The following RANBP17 variants were observed in gnomAD, a reference collection of about 807,000 sequenced individuals.
RANBP17 encodes the protein RAN binding protein 17.
Under a neutral mutation model 141.2 loss-of-function variants are expected in RANBP17, and 158 were observed. The ratio of observed to expected loss-of-function variants is 1.12; its 90% CI spans 0.98 to 1.28. The LOEUF (loss-of-function observed/expected upper bound fraction) is 1.28. Ranked by LOEUF, RANBP17 falls within the 50% of genes most tolerant of loss-of-function variation. RANBP17 has a pLI of 0.00. For missense variants in RANBP17, 1,438 were observed against 1,290.7 expected, an observed-to-expected ratio of 1.11 and a Z score of -1.75; for synonymous variants, 430 against 450.0, an observed-to-expected ratio of 0.96 and a Z score of 0.56.
intron 14 of RANBP17, among the ~76,000 whole-genome samples, chr5:171,042,539 T>G (rs1782318093): frequency 6.6e-6 from 1 of 152,132 alleles, no homozygotes; most frequent in African/African-American, 2.4e-5. Context: ...TGCTGGTGTG[T>G]TGTTTGCATC....
At chr5:171,154,911 A>G (rs1024519167) in intron 14 of RANBP17, among the ~76,000 whole-genome samples, 1 of 151,520 alleles carries the variant, frequency 6.6e-6, no homozygotes, top group South Asian at 2.1e-4. Flanking sequence ...CCCTGTCTCT[A>G]CTAAAAATAC....
At chr5:170,994,449 T>G (rs908268371) in intron 14 of RANBP17, among the ~76,000 whole-genome samples, 41 of 152,066 alleles carry the variant, frequency 2.7e-4, no homozygotes, top group African/African-American at 9.6e-4. Context: ...GAGGTAAGAT[T>G]ATCATTGCTG....
At chr5:171,202,181 T>C (rs908588379) in intron 19 of RANBP17, among the ~76,000 whole-genome samples, 1 of 152,206 alleles carries the variant, frequency 6.6e-6, no homozygotes, top group Non-Finnish European at 1.5e-5. Flanking sequence ...TTATTCTTAA[T>C]AAAATTGAAG....
At chr5:171,043,850 C>CT (rs1782404310) in intron 14 of RANBP17, among the ~76,000 whole-genome samples, 1 of 152,216 alleles carries the variant, frequency 6.6e-6, no homozygotes, top group African/African-American at 2.4e-5. Context: ...GTTTGGAACT[C>CT]TAAGAGATTT....
chr5:170,913,044 G>A (rs1316319603), intron 7 of RANBP17, among the ~76,000 whole-genome samples: 1 of 152,010 alleles, frequency 6.6e-6, no homozygotes, highest in Non-Finnish European at 1.5e-5. Flanking sequence ...CTGAAAGCTA[G>A]AAAACAATAG....
At chr5:171,131,139 A>G (rs1389369947) in intron 14 of RANBP17, among the ~76,000 whole-genome samples, 2 of 152,236 alleles carry the variant, frequency 1.3e-5, no homozygotes, top group African/African-American at 4.8e-5. Context: ...ACAAATTTAC[A>G]ATAGTAATAT....
chr5:171,025,814 C>G (rs1392006346), intron 14 of RANBP17, among the ~76,000 whole-genome samples: 2 of 152,060 alleles, frequency 1.3e-5, no homozygotes, highest in Non-Finnish European at 2.9e-5. Flanking sequence ...TCTTGAACTC[C>G]TAGCCTCAAG....
At position 171,020,815 on chromosome 5, in the gene RANBP17, A is replaced by ATAATCCT. The variant is rs558951333; in HGVS notation, c.1710+52439_1710+52445dup. Reference sequence around the variant, plus strand: ...TATGTGTGAATTTGATCCTGTCATAATAATCCTAGCTGGTTATTTTGCACA... The same window carrying ATAATCCT: ...TATGTGTGAATTTGATCCTGTCATAATAATCCTTAATCCTAGCTGGTTATTTTGCACA... On this transcript the variant is annotated intron_variant, in intron 14 of 27. Transcript: ENST00000523189. Among the ~76,000 whole-genome samples the ATAATCCT allele has an allele frequency of 1.3e-3, 200 of 152,268 alleles. 1 individual carries two copies. Among genetic ancestry groups the ATAATCCT allele is most frequent in the South Asian group, 1.9e-3 (9 of 4,810 alleles).
chr5:171,235,967 A>G (rs955794444), intron 22 of RANBP17, among the ~76,000 whole-genome samples: 4 of 152,130 alleles, frequency 2.6e-5, no homozygotes, highest in East Asian at 1.9e-4. Flanking sequence ...ATTCCCAACA[A>G]TTTTTTATTT....
At chr5:170,870,022 G>A (rs1289531929) in intron 1 of RANBP17, among the ~76,000 whole-genome samples, 1 of 151,998 alleles carries the variant, frequency 6.6e-6, no homozygotes, top group Non-Finnish European at 1.5e-5. Flanking sequence ...TCTTTTTGCA[G>A]TCAAAGTCTA....
chr5:171,269,434 AG>A (rs1297923858), intron 25 of RANBP17, among the ~76,000 whole-genome samples: 1 of 152,218 alleles, frequency 6.6e-6, no homozygotes, highest in Non-Finnish European at 1.5e-5. Flanking sequence ...TAAAAGCGGC[AG>A]GCAGGAGTAG....
At chr5:171,085,494 G>C (rs1365845449) in intron 14 of RANBP17, among the ~76,000 whole-genome samples, 2 of 52,676 alleles carry the variant, frequency 3.8e-5, no homozygotes, top group Admixed American at 2.1e-4. Flanking sequence ...TTCCAATTCT[G>C]TGAAGAAAGT....
intron 14 of RANBP17, among the ~76,000 whole-genome samples, chr5:171,069,094 A>G (rs936222387): frequency 7.2e-5 from 11 of 152,200 alleles, no homozygotes; most frequent in Admixed American, 3.3e-4. Context: ...ACCAATAAGT[A>G]AAGGAGAAAA....
chr5:171,120,617 T>C (rs1238924828), intron 14 of RANBP17, among the ~76,000 whole-genome samples: 3 of 152,260 alleles, frequency 2.0e-5, no homozygotes, highest in Admixed American at 6.5e-5. Context: ...ATTGTTTTCT[T>C]GATTTTCTTG....
intron 14 of RANBP17, among the ~76,000 whole-genome samples, chr5:171,077,329 G>A (rs1191719664): frequency 6.6e-6 from 1 of 151,304 alleles, no homozygotes; most frequent in Non-Finnish European, 1.5e-5. Context: ...AACAGAGCGA[G>A]ACTCCATCTC....
chr5:171,170,168 T>C lies in RANBP17; in HGVS notation c.1749T>C (p.Asp583=), dbSNP rs1225693679. Residue 583 remains aspartate, a synonymous_variant, in exon 15 of 28, where the codon GAT becomes GAC. Transcript: ENST00000523189. ...TGTCAGAAGTCTTAGGAATAACAGA[T>C]GACAACCACGTTCTAGAGACGTTCA... ...ARMSEVLGIT[D]DNHVLETFMT... The C allele has an allele frequency of 6.3e-7, 1 of 1,588,970 alleles. No individual in the cohort carries two copies.
At chr5:171,061,160 C>T (rs1317447014) in intron 14 of RANBP17, among the ~76,000 whole-genome samples, 1 of 151,958 alleles carries the variant, frequency 6.6e-6, no homozygotes, top group Admixed American at 6.6e-5. Flanking sequence ...TCTCTGTTTC[C>T]TTCAGTTCTG....
chr5:170,917,346 C>T (rs192137695), intron 9 of RANBP17, among the ~76,000 whole-genome samples: 1 of 152,248 alleles, frequency 6.6e-6, no homozygotes, highest in East Asian at 1.9e-4. Flanking sequence ...ATTTTTTCTG[C>T]ATTAACTTTA....
intron 18 of RANBP17, among the ~76,000 whole-genome samples, chr5:171,196,988 A>G (rs999535492): frequency 6.6e-6 from 1 of 152,148 alleles, no homozygotes; most frequent in Admixed American, 6.5e-5. Flanking sequence ...CAAAGCATCC[A>G]TTCTTTCTAG....
Sources: allele counts gnomAD v4.1 joint callset (sites outside exome capture counted in the v4.1 genomes callset), GRCh38; gene constraint gnomAD v4.1.1; transcripts MANE v1.5; gene names NCBI Gene and HGNC (gene_info 2026-07-23, HGNC 2026-07-21).